KCNIP4: variants seen among roughly 807,000 people sequenced by gnomAD.
KCNIP4 encodes Kv channel-interacting protein 4.
A neutral mutation model predicts 34.0 loss-of-function variants in KCNIP4; 12 were observed. The observed-to-expected ratio is 0.35, with a 90% CI of 0.23 to 0.57. The LOEUF (loss-of-function observed/expected upper bound fraction) is 0.57. KCNIP4 is among the 20% of genes least tolerant of loss of function. The pLI is 0.83. For missense variants in KCNIP4, 238 were observed against 311.7 expected, an observed-to-expected ratio of 0.76 and a Z score of 1.78; for synonymous variants, 124 against 102.2, an observed-to-expected ratio of 1.21 and a Z score of -1.29.
At chr4:21,714,787 T>A (rs568638377) in intron 1 of KCNIP4, among the ~76,000 whole-genome samples, 1 of 12,022 alleles carries the variant, frequency 8.3e-5, no homozygotes, top group Admixed American at 9.3e-4. Context: ...TTCCCTTTGA[T>A]TATTTTATTT....
intron 1 of KCNIP4, among the ~76,000 whole-genome samples, chr4:21,811,123 G>GT (rs1721625413): frequency 6.6e-6 from 1 of 152,056 alleles, no homozygotes; most frequent in African/African-American, 2.4e-5. Context: ...GAAAACACAT[G>GT]GCAAAAGTAA....
At chr4:21,106,103 G>A (rs1411801647) in intron 1 of KCNIP4, among the ~76,000 whole-genome samples, 3 of 151,562 alleles carry the variant, frequency 2.0e-5, no homozygotes, top group Non-Finnish European at 2.9e-5. Context: ...GGATGACGCT[G>A]GCCTCATAAA....
At chr4:21,425,681 T>C (rs556952253) in intron 1 of KCNIP4, among the ~76,000 whole-genome samples, 37 of 152,270 alleles carry the variant, frequency 2.4e-4, no homozygotes, top group South Asian at 2.3e-3. Context: ...TGATATAAAT[T>C]ACATTTTAAA....
At chr4:21,916,078 G>C (rs975695897) in intron 1 of KCNIP4, among the ~76,000 whole-genome samples, 1 of 152,212 alleles carries the variant, frequency 6.6e-6, no homozygotes, top group Non-Finnish European at 1.5e-5. Context: ...GCATCCATAT[G>C]TTTGGGTCAA....
At chr4:21,933,587 C>T (rs1188199535) in intron 1 of KCNIP4, among the ~76,000 whole-genome samples, 2 of 152,080 alleles carry the variant, frequency 1.3e-5, no homozygotes, top group Non-Finnish European at 2.9e-5. Flanking sequence ...CAAGGTCTTT[C>T]TTCCTTGCTA....
At chr4:21,906,815 T>A (rs892221156) in intron 1 of KCNIP4, among the ~76,000 whole-genome samples, 6 of 152,180 alleles carry the variant, frequency 3.9e-5, no homozygotes, top group Non-Finnish European at 7.3e-5. Context: ...GTACATCTTT[T>A]TACATACATC....
At chr4:21,272,661 G>C (rs913800700) in intron 1 of KCNIP4, among the ~76,000 whole-genome samples, 3 of 152,128 alleles carry the variant, frequency 2.0e-5, no homozygotes, top group Non-Finnish European at 2.9e-5. Flanking sequence ...CTTAAGACAA[G>C]CTATGCCTGT....
In KCNIP4 at chr4:20,732,530, A is replaced by G. The variant is rs928093036; in HGVS notation, c.642+151T>C. 9.2e-6 allele frequency: 6 copies of G among 654,630 alleles called. No homozygotes were observed. In the African/African-American group the frequency reaches 9.2e-5, roughly 10 times the overall value. The allele number at this position is 654,630 out of a possible 1,614,324, so 40.6% of individuals were successfully genotyped here. ...TTATCAGCATTGTAAATTCAAAACC[A>G]AAGCTATTAAATTAATAGGATGCTA... On this transcript the variant is annotated intron_variant, in intron 7 of 8. Transcript: ENST00000382152.
At chr4:20,859,518 G>T (rs2149493029) in intron 2 of KCNIP4, among the ~76,000 whole-genome samples, 1 of 152,208 alleles carries the variant, frequency 6.6e-6, no homozygotes, top group South Asian at 2.1e-4. Context: ...GTGTCTTTTT[G>T]TCCTTTGTTC....
intron 2 of KCNIP4, among the ~76,000 whole-genome samples, chr4:20,877,478 T>G: frequency 6.6e-6 from 1 of 152,134 alleles, no homozygotes; most frequent in East Asian, 1.9e-4. Flanking sequence ...GGATTTGGAG[T>G]TGAGTTTCTG....
At chr4:20,739,391 G>A (rs1372658042) in intron 5 of KCNIP4, among the ~76,000 whole-genome samples, 2 of 152,164 alleles carry the variant, frequency 1.3e-5, no homozygotes, top group African/African-American at 4.8e-5. Context: ...GCTTCCAGAG[G>A]AAGGATCAGG....
chr4:21,573,633 C>G (rs1577620276), intron 1 of KCNIP4, among the ~76,000 whole-genome samples: 2 of 152,028 alleles, frequency 1.3e-5, no homozygotes, highest in African/African-American at 4.8e-5. Context: ...GCTGTGTTCT[C>G]TAGTACCTAA....
In KCNIP4 at chr4:21,632,558, T is replaced by G. The variant is rs546770983; in HGVS notation, c.61+316013A>C. Among the ~76,000 whole-genome samples, 84 of 152,286 alleles carry G rather than the reference T, an allele frequency of 5.5e-4. 3 individuals carry two copies. In the South Asian group the frequency reaches 0.013, roughly 24 times the overall value. On this transcript the variant is annotated intron_variant, in intron 1 of 8. Transcript: ENST00000382152. The stretch of plus-strand genomic sequence containing the variant: ...TCTTTATAATAACCTCCTCTTTGCC[T>G]TTCATGCAATTGCTCTTATTGAAAG...
rs918380417 is a variant in KCNIP4, at chr4:21,520,202, T to A, written c.61+428369A>T. Among the ~76,000 whole-genome samples, 5 of 152,032 alleles carry A rather than the reference T, an allele frequency of 3.3e-5. 1 individual carries two copies. The highest frequency in any genetic ancestry group is 1.2e-4 in the African/African-American group (5 of 41,388). ...CCCACTGATTCAAATGTTAATCTCC[T>A]TTGGCAACACCCTCACACAGACACA... On this transcript the variant is annotated intron_variant, in intron 1 of 8. Transcript: ENST00000382152.
intron 1 of KCNIP4, among the ~76,000 whole-genome samples, chr4:21,245,994 C>A (rs1465425494): frequency 6.6e-6 from 1 of 152,078 alleles, no homozygotes; most frequent in African/African-American, 2.4e-5. Context: ...TGACAGAAAT[C>A]TCATAACCAG....
chr4:20,895,485 T>C (rs553059530), intron 1 of KCNIP4, among the ~76,000 whole-genome samples: 12 of 152,332 alleles, frequency 7.9e-5, no homozygotes, highest in Admixed American at 7.8e-4. Flanking sequence ...GAAGTAATTG[T>C]TTCTGCAAAA....
intron 1 of KCNIP4, among the ~76,000 whole-genome samples, chr4:20,994,419 C>T (rs1183776255): frequency 1.3e-5 from 2 of 152,096 alleles, no homozygotes; most frequent in African/African-American, 4.8e-5. Context: ...AGAACTTTGT[C>T]TTTGAGAAGG....
chr4:21,711,387 G>A (rs957510701), intron 1 of KCNIP4, among the ~76,000 whole-genome samples: 24 of 152,050 alleles, frequency 1.6e-4, no homozygotes, highest in African/African-American at 5.1e-4. Flanking sequence ...CAGGAGAATC[G>A]CTTGAACCTG....
At chr4:21,277,600 C>T (rs1033314691) in intron 1 of KCNIP4, among the ~76,000 whole-genome samples, 4 of 152,054 alleles carry the variant, frequency 2.6e-5, no homozygotes, top group Admixed American at 6.6e-5. Flanking sequence ...TTAAGAGAAT[C>T]TCACATAAAG....
Sources: allele counts gnomAD v4.1 joint callset (sites outside exome capture counted in the v4.1 genomes callset), GRCh38; gene constraint gnomAD v4.1.1; transcripts MANE v1.5; gene names NCBI Gene and HGNC (gene_info 2026-07-23, HGNC 2026-07-21).